The following MAGI2 variants were observed in gnomAD, a reference collection of about 807,000 sequenced individuals.
MAGI2 encodes the protein membrane-associated guanylate kinase, WW and PDZ domain-containing protein 2.
In MAGI2, 35 loss-of-function variants were observed where a neutral mutation model predicts 133.3. That is an observed-to-expected ratio of 0.26 (90% CI 0.20 to 0.35). The LOEUF (loss-of-function observed/expected upper bound fraction) is 0.35, where lower values mean the gene tolerates loss of function less well. Among genes scored for constraint, MAGI2 ranks in the 10% least tolerant of loss-of-function variants. The probability of loss-of-function intolerance (pLI) is 1.00; values close to 1 mark genes in which losing one functional copy is unlikely to be tolerated. For synonymous variants in MAGI2, 729 were observed against 710.6 expected (o/e 1.03, Z -0.41); for missense variants, 1,636 against 1,863.4 (o/e 0.88, Z 2.25).
intron 3 of MAGI2, among the ~76,000 whole-genome samples, chr7:78,549,020 T>A (rs1455473524): frequency 2.0e-5 from 3 of 152,254 alleles, no homozygotes; most frequent in Non-Finnish European, 2.9e-5. Flanking sequence ...AAAAAGTTTC[T>A]CTTCTTATTT....
At chr7:78,356,114 C>T (rs1301126089) in intron 7 of MAGI2, among the ~76,000 whole-genome samples, 1 of 152,104 alleles carries the variant, frequency 6.6e-6, no homozygotes, top group Admixed American at 6.6e-5. Context: ...AACTCTTTGC[C>T]CTTACTGACT....
intron 6 of MAGI2, among the ~76,000 whole-genome samples, chr7:78,412,322 A>G (rs368948867): frequency 3.9e-5 from 6 of 152,068 alleles, no homozygotes; most frequent in African/African-American, 1.4e-4. Context: ...AAGGGGAAGC[A>G]GTAGACAGAC....
At chr7:79,073,470 T>C (rs1465652538) in intron 1 of MAGI2, among the ~76,000 whole-genome samples, 1 of 152,192 alleles carries the variant, frequency 6.6e-6, no homozygotes, top group East Asian at 1.9e-4. Context: ...GAGTTATATA[T>C]GTTCATTCCC....
intron 1 of MAGI2, among the ~76,000 whole-genome samples, chr7:79,208,403 A>G (rs1829241054): frequency 6.6e-6 from 1 of 152,036 alleles, no homozygotes; most frequent in African/African-American, 2.4e-5. Flanking sequence ...TCTCCTCAAG[A>G]GAAAACATAC....
At chr7:78,062,650 G>GT (rs142303513) in intron 21 of MAGI2, among the ~76,000 whole-genome samples, 3,349 of 152,212 alleles carry the variant, frequency 0.022, 132 homozygotes, top group African/African-American at 0.076. Flanking sequence ...TCCTCTCTCT[G>GT]TATGCAGTGG....
At chr7:79,035,107 C>A (rs1333883396) in intron 1 of MAGI2, among the ~76,000 whole-genome samples, 1 of 151,490 alleles carries the variant, frequency 6.6e-6, no homozygotes, top group Admixed American at 6.6e-5. Flanking sequence ...AGCATGAAAT[C>A]CTTGCTATAA....
intron 7 of MAGI2, among the ~76,000 whole-genome samples, chr7:78,361,997 C>T (rs1025306657): frequency 3.9e-5 from 6 of 151,934 alleles, no homozygotes; most frequent in Non-Finnish European, 5.9e-5. Flanking sequence ...GTGAAAGGAT[C>T]GTGGTATAAA....
intron 6 of MAGI2, among the ~76,000 whole-genome samples, chr7:78,378,646 T>C (rs1199880578): frequency 6.6e-6 from 1 of 152,018 alleles, no homozygotes; most frequent in Non-Finnish European, 1.5e-5. Context: ...CAAGTATTCA[T>C]TGTGCAAATA....
intron 3 of MAGI2, among the ~76,000 whole-genome samples, chr7:78,557,095 A>AAAAAAAAAG (rs1563165546): frequency 1.4e-5 from 2 of 147,936 alleles, no homozygotes; most frequent in South Asian, 2.1e-4. Context: ...AAAAAAAAAA[A>AAAAAAAAAG]AAAAAGAAAA....
chr7:79,353,041 C>T (rs1841788918), intron 1 of MAGI2, among the ~76,000 whole-genome samples: 1 of 152,038 alleles, frequency 6.6e-6, no homozygotes, highest in Admixed American at 6.6e-5. Flanking sequence ...GTTGAGGAAA[C>T]AAATACTTGG....
chr7:78,227,616 A>C (rs1789521698), intron 10 of MAGI2, among the ~76,000 whole-genome samples: 2 of 152,160 alleles, frequency 1.3e-5, no homozygotes, highest in Admixed American at 6.6e-5. Flanking sequence ...TTAGACTTTA[A>C]GTATATTTCT....
chr7:78,796,332 A>G (rs1787609337), intron 2 of MAGI2, among the ~76,000 whole-genome samples: 1 of 152,164 alleles, frequency 6.6e-6, no homozygotes, highest in African/African-American at 2.4e-5. Context: ...AAAGACCTGA[A>G]TAGACATTTC....
intron 9 of MAGI2, among the ~76,000 whole-genome samples, chr7:78,319,677 A>G (rs1192540350): frequency 6.6e-6 from 1 of 152,242 alleles, no homozygotes; most frequent in Non-Finnish European, 1.5e-5. Context: ...AGAAAGCAGG[A>G]AAGATCTAAA....
chr7:78,243,045 C>G (rs1363662347), intron 10 of MAGI2, among the ~76,000 whole-genome samples: 1 of 152,014 alleles, frequency 6.6e-6, no homozygotes, highest in African/African-American at 2.4e-5. Flanking sequence ...GCATTCCAGC[C>G]TGGGTGACAG....
At chr7:78,793,207 A>C (rs959558866) in intron 2 of MAGI2, among the ~76,000 whole-genome samples, 1 of 152,190 alleles carries the variant, frequency 6.6e-6, no homozygotes, top group African/African-American at 2.4e-5. Context: ...GGTGTAGAGG[A>C]GAGACTCCAA....
chr7:78,597,742 G>A (rs1804766214), intron 3 of MAGI2, among the ~76,000 whole-genome samples: 2 of 152,120 alleles, frequency 1.3e-5, no homozygotes, highest in African/African-American at 4.8e-5. Context: ...GTAGGGATTT[G>A]GGAACTAGGC....
At chr7:78,169,007 C>T (rs1825870661) in intron 14 of MAGI2, among the ~76,000 whole-genome samples, 1 of 152,136 alleles carries the variant, frequency 6.6e-6, no homozygotes, top group Non-Finnish European at 1.5e-5. Flanking sequence ...CTGCCTGTTC[C>T]CTGAAGTGCT....
At chr7:78,870,494 T>A (rs1794946648) in intron 2 of MAGI2, among the ~76,000 whole-genome samples, 2 of 151,854 alleles carry the variant, frequency 1.3e-5, no homozygotes, top group South Asian at 4.2e-4. Flanking sequence ...AAAACTACAA[T>A]GAGATACCAC....
At chr7:79,162,868 CTT>C (rs1824504522) in intron 1 of MAGI2, among the ~76,000 whole-genome samples, 1 of 152,024 alleles carries the variant, frequency 6.6e-6, no homozygotes, top group African/African-American at 2.4e-5. Context: ...AGTCTTATAA[CTT>C]TGACTTTTGG....
Sources: gnomAD v4.1 joint callset for allele counts (sites outside exome capture counted in the v4.1 genomes callset) on GRCh38, gnomAD v4.1.1 for gene constraint, MANE v1.5 for transcripts, NCBI Gene and HGNC (gene_info 2026-07-23, HGNC 2026-07-21) for gene names.